The following DYNC1H1 variants were observed in gnomAD, a reference collection of about 807,000 sequenced individuals.
The protein encoded by DYNC1H1 is cytoplasmic dynein 1 heavy chain 1.
In DYNC1H1, 51 loss-of-function variants were observed where a neutral mutation model predicts 527.1. The ratio of observed to expected loss-of-function variants is 0.10; its 90% CI spans 0.08 to 0.12. DYNC1H1 has a LOEUF of 0.12. DYNC1H1 is among the 10% of genes least tolerant of loss of function. DYNC1H1 has a pLI of 1.00. For synonymous variants in DYNC1H1, 2,189 were observed against 2,278.8 expected, an observed-to-expected ratio of 0.96 and a Z score of 1.12; for missense variants, 2,771 against 5,971.8, an observed-to-expected ratio of 0.46 and a Z score of 17.66.
Position 102,041,630 on chromosome 14 carries a change from C to T in DYNC1H1, c.11998C>T (p.Arg4000Cys), listed in dbSNP as rs1407764077. 2 of 1,614,220 alleles carry T rather than the reference C, an allele frequency of 1.2e-6. No homozygotes were observed. ...CCTGATCCAGGCTTTCCGGCCCGAT[C>T]GCCTGTTGGCCATGGCCCACATGTT... is the stretch of plus-strand genomic sequence containing the variant. Reference protein sequence around the residue: ...LLLIQAFRPDRLLAMAHMFVS... With the variant: ...LLLIQAFRPDCLLAMAHMFVS... Residue 4000 changes from arginine (R) to cysteine (C), a missense_variant, in exon 65 of 78, where the codon CGC (arginine) becomes TGC (cysteine). Around this residue, in one of 32 missense-constraint regions of DYNC1H1, gnomAD observed 120 missense variants for 161.9 expected, o/e 0.74. Coordinates refer to ENST00000360184, the MANE Select transcript of DYNC1H1 (RefSeq NM_001376.5). The surrounding 1 kb of genome is among the most constrained non-coding windows in gnomAD (Gnocchi z 4.5).
rs866283274 is a variant in DYNC1H1, at chr14:102,041,817, G to C, written c.12102+83G>C. The C allele has an allele frequency of 5.6e-6, 9 of 1,602,646 alleles. No individual in the cohort carries two copies. The Middle Eastern group carries it at 1.2e-3, about 207-fold the overall frequency. On this transcript the variant is annotated intron_variant, in intron 65 of 77. Transcript: ENST00000360184. This position sits in a 1 kb window ranked among gnomAD's most constrained non-coding sequence, Gnocchi z 4.5. ...ACAGGTGGCAGCAGCCCTGGCATCT[G>C]CTCTCACTCCGGGCTACAGTCTCCT...
chr14:102,046,072 G>GTT (rs2048713601), intron 72 of DYNC1H1, among the ~76,000 whole-genome samples: 1 of 152,054 alleles, frequency 6.6e-6, no homozygotes, highest in Non-Finnish European at 1.5e-5. Context: ...AGAGGCTGAG[G>GTT]CAGGAGAATG....
At position 102,047,968 on chromosome 14, in the gene DYNC1H1, C is replaced by T; in HGVS notation, c.13158C>T (p.Asn4386=). 6.2e-7 allele frequency: 1 copy of T among 1,612,942 alleles called. No homozygotes were observed. Residue 4386 remains asparagine (N), a synonymous_variant, in exon 73 of 78, where the codon AAC becomes AAT. Transcript: ENST00000360184. ...WMRTLHTTAS[N]WLHLIPQTLS... is the part of the protein sequence containing the mutation. ...GGACACTGCACACCACCGCGTCCAA[C>T]TGGCTGCACCTCATCCCCCAGACGC... is the stretch of plus-strand genomic sequence containing the variant.
Position 102,038,662 on chromosome 14 carries a change from G to GATT in DYNC1H1, c.11056-34_11056-32dup. ...CTGGCAGGATGTGGTTTTGAAACTG[G>GATT]ATTAAGACAGACTGTTCTGTTACCT... is the stretch of plus-strand genomic sequence containing the variant. On this transcript the variant is annotated intron_variant, in intron 58 of 77. Transcript: ENST00000360184. The surrounding 1 kb of genome is among the most constrained non-coding windows in gnomAD (Gnocchi z 7.2). 6.2e-7 allele frequency: 1 copy of GATT among 1,614,234 alleles called. No individual in the cohort carries two copies. The highest frequency in any genetic ancestry group is 8.5e-7 in the Non-Finnish European group (1 of 1,180,052).
intron 41 of DYNC1H1, among the ~76,000 whole-genome samples, chr14:102,019,306 T>A (rs1279255830): frequency 6.6e-6 from 1 of 152,240 alleles, no homozygotes; most frequent in African/African-American, 2.4e-5. Flanking sequence ...ATGACTCTCG[T>A]TGCTATTTGC....
At chr14:101,984,419 GTGTGTGTGTGTGTA>G (rs1463590934) in intron 7 of DYNC1H1, among the ~76,000 whole-genome samples, 4 of 130,174 alleles carry the variant, frequency 3.1e-5, no homozygotes, top group African/African-American at 6.1e-5. Flanking sequence ...GTGTGTGTGT[GTGTGTGTGTGTGTA>G]TATATATATA....
chr14:101,978,852 G>T (rs932105134), intron 2 of DYNC1H1, among the ~76,000 whole-genome samples: 16 of 152,184 alleles, frequency 1.1e-4, no homozygotes, highest in African/African-American at 3.9e-4. Context: ...ATGTGTTTAG[G>T]GAATGGGACA....
chr14:102,026,837 C>G (rs1567016810), intron 44 of DYNC1H1, 130 bp downstream of exon 44: 6 of 1,358,208 alleles, frequency 4.4e-6, no homozygotes, highest in Non-Finnish European at 1.0e-6. Context: ...AAGCAGCTTC[C>G]CCCTTCTCTT....
chr14:102,007,015 T>A lies in DYNC1H1; in HGVS notation c.5724T>A (p.Ala1908=). The A allele has an allele frequency of 2.5e-6, 4 of 1,614,250 alleles. No individual in the cohort carries two copies. The highest frequency in any genetic ancestry group is 3.4e-6 in the Non-Finnish European group (4 of 1,180,030). Residue 1908 remains alanine, a synonymous_variant, in exon 28 of 78, where the codon GCT becomes GCA. Coordinates refer to ENST00000360184, the MANE Select transcript of DYNC1H1 (RefSeq NM_001376.5). Reference sequence around the variant, plus strand: ...TTGCTTTTCTTTAAACAGGACCTGCTGGAACTGGGAAAACAGAGTCTGTCA... The same window carrying A: ...TTGCTTTTCTTTAAACAGGACCTGCAGGAACTGGGAAAACAGAGTCTGTCA... The part of the protein sequence containing the change: ...ARLGGSPFGP[A]GTGKTESVKA...
chr14:102,049,720 C>T lies in DYNC1H1; in HGVS notation c.13522C>T (p.His4508Tyr), dbSNP rs1235761850. ...SGGAKELKNI[H>Y]VCLGGLFVPE... ...GGGCTGCTGCTTTCCACAGAACATCCACGTGTGCCTGGGTGGCCTGTTCGT... is the reference window on the plus strand; with the variant it reads ...GGGCTGCTGCTTTCCACAGAACATCTACGTGTGCCTGGGTGGCCTGTTCGT... The change falls in exon 76 of 78, where the codon CAC (histidine) becomes TAC (tyrosine). Residue 4508 changes from histidine (H) to tyrosine (Y), a missense_variant. Physicochemically the swap from His to Tyr is moderately conservative, Grantham distance 83. Transcript: ENST00000360184. This position sits in a 1 kb window ranked among gnomAD's most constrained non-coding sequence, Gnocchi z 5.5. 1 of 1,613,934 alleles carries T rather than the reference C, an allele frequency of 6.2e-7. No homozygotes were observed. The highest frequency in any genetic ancestry group is 1.7e-5 in the Admixed American group (1 of 60,022).
At position 102,015,958 on chromosome 14, in the gene DYNC1H1, C is replaced by G. The variant is rs746782631; in HGVS notation, c.7345C>G (p.Leu2449Val). The G allele has an allele frequency of 6.2e-7, 1 of 1,614,178 alleles. No individual in the cohort carries two copies. The highest frequency in any genetic ancestry group is 8.5e-7 in the Non-Finnish European group (1 of 1,180,034). Residue 2449 changes from leucine (L) to valine (V), a missense_variant, in exon 36 of 78, where the codon CTA becomes GTA. By Grantham distance (32) the Leu-to-Val change is conservative (BLOSUM62 1). Around this residue, in one of 32 missense-constraint regions of DYNC1H1, gnomAD observed 122 missense variants for 168.4 expected, o/e 0.72. Coordinates refer to ENST00000360184, the MANE Select transcript of DYNC1H1 (RefSeq NM_001376.5). The surrounding 1 kb of genome is among the most constrained non-coding windows in gnomAD (Gnocchi z 6.9). Reference sequence around the variant, plus strand: ...CTTCCAGCTGGAGCACATCATGGACCTAACACGCCTGCGCTGCCTGGGCTC... The same window carrying G: ...CTTCCAGCTGGAGCACATCATGGACGTAACACGCCTGCGCTGCCTGGGCTC... ...HAFQLEHIMD[L>V]TRLRCLGSLF... is the part of the protein sequence containing the mutation.
chr14:102,043,772 T>C (rs2048681239), intron 69 of DYNC1H1, 103 bp from the exon 70 acceptor site: 2 of 1,519,502 alleles, frequency 1.3e-6, no homozygotes, highest in East Asian at 4.5e-5. Context: ...ATCGTCAGGA[T>C]GTGGAGAGCT....
chr14:102,005,957 T>A lies in DYNC1H1; in HGVS notation c.5503T>A (p.Ser1835Thr). The change falls in exon 27 of 78, where the codon TCT (serine) becomes ACT (threonine). Residue 1835 changes from serine (S) to threonine (T), a missense_variant. By Grantham distance (58) the Ser-to-Thr change is moderately conservative. Around this residue, in one of 32 missense-constraint regions of DYNC1H1, gnomAD observed 64 missense variants for 143.4 expected, o/e 0.45. Transcript: ENST00000360184. This position sits in a 1 kb window ranked among gnomAD's most constrained non-coding sequence, Gnocchi z 4.0. Reference protein sequence around the residue: ...LIKSKIDNAKSFEWLSQMRFY... With the variant: ...LIKSKIDNAKTFEWLSQMRFY... The stretch of plus-strand genomic sequence containing the variant: ...CAAAAGCAAGATTGACAACGCCAAA[T>A]CTTTTGAATGGCTCAGCCAGATGCG... 5.6e-6 allele frequency: 9 copies of A among 1,614,232 alleles called. No homozygotes were observed. The highest frequency in any genetic ancestry group is 6.8e-6 in the Non-Finnish European group (8 of 1,180,034).
At position 102,049,260 on chromosome 14, in the gene DYNC1H1, T is replaced by TAG; in HGVS notation, c.13373-177_13373-176dup. ...AGACATGCTCTGGACCAGCCTGAGC[T>TAG]AGAGCAGATGTGGTGAGGGCGGCGC... On this transcript the variant is annotated intron_variant, in intron 74 of 77. Transcript: ENST00000360184. This position sits in a 1 kb window ranked among gnomAD's most constrained non-coding sequence, Gnocchi z 5.5. 1 of 789,010 alleles carries TAG rather than the reference T, an allele frequency of 1.3e-6. No homozygotes were observed. The highest frequency in any genetic ancestry group is 2.1e-6 in the Non-Finnish European group (1 of 478,210). 48.9% of individuals were successfully genotyped at this position (789,010 alleles called of 1,614,324 possible). A position where few individuals can be genotyped will look rare whatever the true frequency, so the allele number is the denominator to read the frequency against.
rs1171187875 is a variant in DYNC1H1, at chr14:102,041,626, C to T, written c.11994C>T (p.Pro3998=). 3.7e-6 allele frequency: 6 copies of T among 1,614,096 alleles called. No homozygotes were observed. The highest frequency in any genetic ancestry group is 1.3e-5 in the African/African-American group (1 of 74,946). The change falls in exon 65 of 78, where the codon CCC becomes CCT. Residue 3998 remains proline, a synonymous_variant. Transcript: ENST00000360184. This position sits in a 1 kb window ranked among gnomAD's most constrained non-coding sequence, Gnocchi z 4.5. ...HRLLLIQAFR[P]DRLLAMAHMF... is the part of the protein sequence containing the mutation. The stretch of plus-strand genomic sequence containing the variant: ...TGCTCCTGATCCAGGCTTTCCGGCC[C>T]GATCGCCTGTTGGCCATGGCCCACA...
In DYNC1H1 at chr14:101,964,953, G is replaced by C. The variant is rs2047647714; in HGVS notation, c.256+6G>C. 6.3e-7 allele frequency: 1 copy of C among 1,588,852 alleles called. No homozygotes were observed. The highest frequency in any genetic ancestry group is 8.6e-7 in the Non-Finnish European group (1 of 1,169,012). ...GGAGCGCTCCACGCTCAAAGGTGCGGGGCCGCGGAGGGCAGGGTCGCCAGA... is the reference window on the plus strand; with the variant it reads ...GGAGCGCTCCACGCTCAAAGGTGCGCGGCCGCGGAGGGCAGGGTCGCCAGA... On this transcript the variant is annotated splice_donor_region_variant and intron_variant, in intron 1 of 77. Transcript: ENST00000360184. This position sits in a 1 kb window ranked among gnomAD's most constrained non-coding sequence, Gnocchi z 5.5.
intron 1 of DYNC1H1, among the ~76,000 whole-genome samples, chr14:101,968,101 A>AT (rs2047687851): frequency 6.6e-6 from 1 of 152,054 alleles, no homozygotes; most frequent in Non-Finnish European, 1.5e-5. Flanking sequence ...TTCAAGGACC[A>AT]TTTTTTGGTT....
At chr14:102,028,606 TA>T (rs1230631286) in intron 48 of DYNC1H1, 3 of 233,750 alleles carry the variant, frequency 1.3e-5, no homozygotes, top group Admixed American at 5.2e-5. Context: ...CTTACCTCTT[TA>T]GTAACATCTC....
At position 101,984,284 on chromosome 14, in the gene DYNC1H1, C is replaced by A. The variant is rs544896100; in HGVS notation, c.1461+675C>A. Among the ~76,000 whole-genome samples, 4 of 151,788 alleles carry A rather than the reference C, an allele frequency of 2.6e-5. No homozygotes were observed. The East Asian group carries it at 5.8e-4, about 22-fold the overall frequency. On this transcript the variant is annotated intron_variant, in intron 7 of 77. Coordinates refer to ENST00000360184, the MANE Select transcript of DYNC1H1 (RefSeq NM_001376.5). ...GGATTATAGGCATGAGCCACCGCGC[C>A]CTGCCCGTATGCATTGTTTTAATGT...
Sources: gnomAD v4.1 joint callset for allele counts (sites outside exome capture counted in the v4.1 genomes callset) on GRCh38, gnomAD v4.1.1 for gene constraint, gnomAD v4.1.1 regional missense constraint, Gnocchi (gnomAD v3.1) non-coding constraint, MANE v1.5 for transcripts, NCBI Gene and HGNC (gene_info 2026-07-23, HGNC 2026-07-21) for gene names.